MFSD8: variants seen among roughly 807,000 people sequenced by gnomAD.
MFSD8 encodes the protein major facilitator superfamily domain-containing protein 8.
MFSD8 carries 55 observed loss-of-function variants against 66.4 expected under a neutral mutation model. The observed-to-expected ratio is 0.83, with a 90% CI of 0.67 to 1.04. The LOEUF (loss-of-function observed/expected upper bound fraction) is 1.04. MFSD8 is among the 50% of genes least tolerant of loss of function. The pLI is 0.00. For synonymous variants in MFSD8, 202 were observed against 212.8 expected (o/e 0.95, Z 0.44); for missense variants, 550 against 627.6 (o/e 0.88, Z 1.32).
chr4:127,947,469 T>G (rs1741236671), intron 3 of MFSD8, among the ~76,000 whole-genome samples: 1 of 151,540 alleles, frequency 6.6e-6, no homozygotes, highest in Non-Finnish European at 1.5e-5. Context: ...TCCCAGCTAC[T>G]TGGGAGACTG....
chr4:127,926,668 T>C (rs1337561706), intron 9 of MFSD8, among the ~76,000 whole-genome samples: 3 of 152,204 alleles, frequency 2.0e-5, no homozygotes, highest in Admixed American at 2.0e-4. Context: ...TCTTATATCT[T>C]GATCCCTCTA....
At position 127,918,488 on chromosome 4, in the gene MFSD8, G is replaced by C. The variant is rs1736043065; in HGVS notation, c.*2142C>G. ...TTTGAAAGCTGGGAAACTTTTTTCTGTTATATTCTTGCTGGAAACAGGTTA... is the reference window on the plus strand; with the variant it reads ...TTTGAAAGCTGGGAAACTTTTTTCTCTTATATTCTTGCTGGAAACAGGTTA... On this transcript the variant is annotated 3_prime_UTR_variant, in exon 12 of 12. Transcript: ENST00000641686. 6.6e-6 allele frequency: 1 copy of C among 152,116 alleles called. No homozygotes were observed. The highest frequency in any genetic ancestry group is 6.5e-5 in the Admixed American group (1 of 15,270). 9.4% of individuals were successfully genotyped at this position (152,116 alleles called of 1,614,324 possible). A position where few individuals can be genotyped will look rare whatever the true frequency, so the allele number is the denominator to read the frequency against.
rs553414803 is a variant in MFSD8 at position 127,927,385 on chromosome 4, G to A, written c.998+3298C>T. On this transcript the variant is annotated intron_variant, in intron 9 of 11. Coordinates refer to ENST00000641686, the MANE Select transcript of MFSD8 (RefSeq NM_001371596.2). Reference sequence around the variant, plus strand: ...ACGACGGGGTTTCACCACGTTGGCCGGGCTGGTCTCGAACTTCTGACCTCA... The same window carrying A: ...ACGACGGGGTTTCACCACGTTGGCCAGGCTGGTCTCGAACTTCTGACCTCA... Among the ~76,000 whole-genome samples the A allele has an allele frequency of 1.1e-3, 163 of 152,178 alleles. 2 individuals are homozygous for A. Among genetic ancestry groups the A allele is most frequent in the African/African-American group, 3.4e-3 (142 of 41,544 alleles).
intron 5 of MFSD8, 77 bp from the exon 6 acceptor site, chr4:127,940,074 A>G (rs1413228091): frequency 1.5e-6 from 2 of 1,311,296 alleles, no homozygotes; most frequent in Non-Finnish European, 2.2e-6. Context: ...GACATTTACA[A>G]CAGAATTGGG....
rs1739378956 is a variant in MFSD8 at position 127,938,158 on chromosome 4, G to A, written c.754+625C>T. Among the ~76,000 whole-genome samples the A allele has an allele frequency of 2.0e-5, 3 of 152,048 alleles. No homozygotes were observed. The South Asian group carries it at 6.2e-4, about 32-fold the overall frequency. On this transcript the variant is annotated intron_variant, in intron 7 of 11. Transcript: ENST00000641686. ...TGCTTTAAATAGACATATTTATTTG[G>A]TAGTAAAGATATGGAAATCATTGCA...
At chr4:127,938,989 C>A in intron 6 of MFSD8, 151 bp from the exon 7 acceptor site, 1 of 512,456 alleles carries the variant, frequency 2.0e-6, no homozygotes, top group African/African-American at 1.9e-5. Context: ...TGAGATATAA[C>A]CAATAAACTT....
chr4:127,945,383 T>A (rs1339667748), intron 3 of MFSD8: 2 of 152,164 alleles, frequency 1.3e-5, no homozygotes, highest in Non-Finnish European at 2.9e-5. Context: ...AATGGTGCGA[T>A]CTCAGGTCAC....
Position 127,920,635 on chromosome 4 carries a change from C to T in MFSD8, c.1552G>A (p.Glu518Lys), listed in dbSNP as rs1398979129. Residue 518 changes from glutamate (E) to lysine (K), a missense_variant, in exon 12 of 12, where the codon GAA becomes AAA. By Grantham distance (56) the Glu-to-Lys change is moderately conservative. Coordinates refer to ENST00000641686, the MANE Select transcript of MFSD8 (RefSeq NM_001371596.2). ...CCATCACAGTCTTAGCTAGTTTATT[C>T]CTGAATCCTCCCATATCTTACAGAA... Reference protein sequence around the residue: ...ALSVRYGRIQE With the variant: ...ALSVRYGRIQK 1 of 1,613,764 alleles carries T rather than the reference C, an allele frequency of 6.2e-7. No individual in the cohort carries two copies. Among genetic ancestry groups the T allele is most frequent in the Non-Finnish European group, 8.5e-7 (1 of 1,179,984 alleles).
intron 2 of MFSD8, among the ~76,000 whole-genome samples, chr4:127,955,463 C>A (rs925152132): frequency 6.6e-6 from 1 of 151,542 alleles, no homozygotes; most frequent in Non-Finnish European, 1.5e-5. Flanking sequence ...TTGCTTGAAC[C>A]CCGCAGGCGG....
intron 1 of MFSD8, 29 bp downstream of exon 1, chr4:127,965,043 G>T (rs765828443): frequency 6.2e-6 from 10 of 1,611,372 alleles, no homozygotes; most frequent in Middle Eastern, 1.7e-4. Context: ...GCAGGAGACT[G>T]AGGGGTCCCT....
chr4:127,963,363 T>C (rs143153841), intron 1 of MFSD8, among the ~76,000 whole-genome samples: 2 of 152,324 alleles, frequency 1.3e-5, no homozygotes, highest in East Asian at 3.9e-4. Flanking sequence ...ATGCAGAAGA[T>C]ACAGAATGTG....
chr4:127,923,933 T>C (rs1437594014), intron 9 of MFSD8, among the ~76,000 whole-genome samples: 1 of 152,112 alleles, frequency 6.6e-6, no homozygotes, highest in Non-Finnish European at 1.5e-5. Flanking sequence ...ATCAGGGATA[T>C]TGGCCTTAAA....
intron 1 of MFSD8, among the ~76,000 whole-genome samples, chr4:127,960,933 G>C (rs373539563): frequency 6.6e-6 from 1 of 152,010 alleles, no homozygotes; most frequent in South Asian, 2.1e-4. Flanking sequence ...TTGTTTTCTG[G>C]TTATCTAAAC....
intron 5 of MFSD8, among the ~76,000 whole-genome samples, chr4:127,940,363 C>T (rs1157648549): frequency 2.6e-5 from 4 of 151,824 alleles, no homozygotes; most frequent in African/African-American, 4.8e-5. Context: ...TTGTATCTTA[C>T]ATAACTTCTC....
chr4:127,939,804 T>C, intron 6 of MFSD8, 49 bp downstream of exon 6: 1 of 1,556,774 alleles, frequency 6.4e-7, no homozygotes, highest in Non-Finnish European at 8.8e-7. Context: ...ACAAAGCTCA[T>C]TAAATTTCAC....
intron 3 of MFSD8, among the ~76,000 whole-genome samples, chr4:127,947,455 G>A (rs1388885953): frequency 1.3e-5 from 2 of 152,002 alleles, no homozygotes; most frequent in South Asian, 2.1e-4. Flanking sequence ...GCTGGCGTCT[G>A]TAGTCCCAGC....
rs771879274 is a variant in MFSD8, at chr4:127,965,116, G to A, written c.18C>T (p.Asn6=). 6.2e-7 allele frequency: 1 copy of A among 1,613,832 alleles called. No homozygotes were observed. The highest frequency in any genetic ancestry group is 1.3e-5 in the African/African-American group (1 of 74,958). The change falls in exon 1 of 12, where the codon AAC becomes AAT. Residue 6 remains asparagine (N), a synonymous_variant. Coordinates refer to ENST00000641686, the MANE Select transcript of MFSD8 (RefSeq NM_001371596.2). ...CTAAGAGCGGCTCCTGTTCACTTTC[G>A]TTCCGCAGGCCGGCCATAGTTACAC... MAGLR[N]ESEQEPLLGD...
intron 2 of MFSD8, among the ~76,000 whole-genome samples, chr4:127,956,331 C>T (rs1018227314): frequency 5.3e-5 from 8 of 150,742 alleles, no homozygotes; most frequent in African/African-American, 2.0e-4. Context: ...AGTGAAACCC[C>T]GTCTCTACTA....
At chr4:127,936,910 C>A (rs1739172347) in intron 7 of MFSD8, among the ~76,000 whole-genome samples, 1 of 152,118 alleles carries the variant, frequency 6.6e-6, no homozygotes, top group Non-Finnish European at 1.5e-5. Context: ...CATATCTTCC[C>A]TTTGTCATAC....
Sources: gnomAD v4.1 joint callset for allele counts (sites outside exome capture counted in the v4.1 genomes callset) on GRCh38, gnomAD v4.1.1 for gene constraint, MANE v1.5 for transcripts, NCBI Gene and HGNC (gene_info 2026-07-23, HGNC 2026-07-21) for gene names.